MARCHF1: variants seen among roughly 807,000 people sequenced by gnomAD.
MARCHF1 encodes membrane associated ring-CH-type finger 1.
Under a neutral mutation model 54.2 loss-of-function variants are expected in MARCHF1, and 40 were observed. The observed-to-expected ratio is 0.74, with a 90% CI of 0.57 to 0.96. The LOEUF (loss-of-function observed/expected upper bound fraction) is 0.96. Ranked by LOEUF, MARCHF1 falls within the 40% of genes least tolerant of loss-of-function variation. The pLI, the probability that MARCHF1 is intolerant of heterozygous loss-of-function variation, is 0.00. For synonymous variants in MARCHF1, 236 were observed against 236.3 expected, an observed-to-expected ratio of 1.00 and a Z score of 0.01; for missense variants, 586 against 656.5, an observed-to-expected ratio of 0.89 and a Z score of 1.17.
At chr4:164,053,571 T>C (rs1754419436) in intron 2 of MARCHF1, among the ~76,000 whole-genome samples, 1 of 152,184 alleles carries the variant, frequency 6.6e-6, no homozygotes, top group East Asian at 1.9e-4. Context: ...GCTTCTTCCA[T>C]TAACCTGAAT....
intron 3 of MARCHF1, among the ~76,000 whole-genome samples, chr4:163,859,025 GA>G (rs1480548256): frequency 6.6e-6 from 1 of 152,158 alleles, no homozygotes; most frequent in East Asian, 1.9e-4. Context: ...CTAGGATGTG[GA>G]AGAGCAACTG....
At chr4:163,762,912 C>T (rs192929536) in intron 4 of MARCHF1, among the ~76,000 whole-genome samples, 1 of 152,162 alleles carries the variant, frequency 6.6e-6, no homozygotes, top group East Asian at 1.9e-4. Context: ...TCCTACTGCA[C>T]ATAACAAGGC....
chr4:164,176,970 CTCTCTCTCTCTATATA>C (rs1376173597), intron 1 of MARCHF1, among the ~76,000 whole-genome samples: 25 of 57,432 alleles, frequency 4.4e-4, no homozygotes, highest in African/African-American at 1.4e-3. Flanking sequence ...CTCTCTCTCT[CTCTCTCTCTCTATATA>C]TATATATATA....
At chr4:163,862,095 C>T (rs1216215151) in intron 3 of MARCHF1, among the ~76,000 whole-genome samples, 3 of 151,884 alleles carry the variant, frequency 2.0e-5, no homozygotes, top group Admixed American at 6.6e-5. Flanking sequence ...AAGGTAAATG[C>T]AAAACTGTAA....
At chr4:163,871,353 G>C (rs961971635) in intron 3 of MARCHF1, among the ~76,000 whole-genome samples, 1 of 152,062 alleles carries the variant, frequency 6.6e-6, no homozygotes, top group African/African-American at 2.4e-5. Context: ...AGGTGTAATT[G>C]GGGAAACAAC....
intron 3 of MARCHF1, among the ~76,000 whole-genome samples, chr4:163,901,859 A>G (rs1750949334): frequency 6.6e-6 from 1 of 152,152 alleles, no homozygotes; most frequent in Admixed American, 6.5e-5. Flanking sequence ...GCTCTGCCTC[A>G]AGTGTTTGGC....
At chr4:164,130,978 T>A (rs2110816509) in intron 1 of MARCHF1, among the ~76,000 whole-genome samples, 1 of 152,320 alleles carries the variant, frequency 6.6e-6, no homozygotes, top group South Asian at 2.1e-4. Flanking sequence ...CATTTCTTTG[T>A]GATTTTGTAA....
chr4:163,635,383 TA>T (rs1214033022), intron 5 of MARCHF1, among the ~76,000 whole-genome samples: 20 of 151,490 alleles, frequency 1.3e-4, no homozygotes, highest in African/African-American at 4.6e-4. Context: ...AAGAATCAAA[TA>T]GATGCAATAA....
chr4:163,834,732 G>T (rs1749131223), intron 4 of MARCHF1, among the ~76,000 whole-genome samples: 1 of 151,562 alleles, frequency 6.6e-6, no homozygotes, highest in Admixed American at 6.6e-5. Flanking sequence ...TCACTCATAG[G>T]TGGGAATTGA....
At chr4:164,252,043 A>C (rs564665689) in intron 1 of MARCHF1, among the ~76,000 whole-genome samples, 1 of 152,286 alleles carries the variant, frequency 6.6e-6, no homozygotes, top group African/African-American at 2.4e-5. Flanking sequence ...AATATTACTA[A>C]ACTAAAATGC....
intron 5 of MARCHF1, among the ~76,000 whole-genome samples, chr4:163,690,975 ACTGGG>A (rs1464467907): frequency 6.6e-6 from 1 of 152,242 alleles, no homozygotes; most frequent in African/African-American, 2.4e-5. Flanking sequence ...CAAGGCGACC[ACTGGG>A]AGTGATGATA....
At chr4:164,178,981 G>A (rs1251673377) in intron 1 of MARCHF1, among the ~76,000 whole-genome samples, 1 of 152,084 alleles carries the variant, frequency 6.6e-6, no homozygotes, top group Non-Finnish European at 1.5e-5. Context: ...ACTACCTGGA[G>A]AAAAAGTTCA....
At chr4:163,818,955 G>A (rs892438690) in intron 4 of MARCHF1, among the ~76,000 whole-genome samples, 2 of 152,044 alleles carry the variant, frequency 1.3e-5, no homozygotes, top group Admixed American at 1.3e-4. Flanking sequence ...TGAAGATTCT[G>A]GCACCAGGCT....
chr4:164,067,326 T>TA lies in MARCHF1; in HGVS notation c.-248+44261dup, dbSNP rs1321176858. Among the ~76,000 whole-genome samples the TA allele has an allele frequency of 2.6e-5, 4 of 152,256 alleles. No individual in the cohort carries two copies. In the East Asian group the frequency reaches 5.8e-4, roughly 22 times the overall value. On this transcript the variant is annotated intron_variant, in intron 2 of 9. Transcript: ENST00000514618. ...CTGGAAGCATCACACTACCTGACTT[T>TA]AAACTATACTATAAGGCTAGAGTAA... is the stretch of plus-strand genomic sequence containing the variant.
At chr4:164,169,785 G>A (rs1730475197) in intron 1 of MARCHF1, among the ~76,000 whole-genome samples, 1 of 152,010 alleles carries the variant, frequency 6.6e-6, no homozygotes, top group Non-Finnish European at 1.5e-5. Flanking sequence ...GCTGAACCAT[G>A]AGTAACTTGA....
intron 2 of MARCHF1, among the ~76,000 whole-genome samples, chr4:164,106,888 G>C (rs1475106425): frequency 6.6e-6 from 1 of 152,020 alleles, no homozygotes; most frequent in South Asian, 2.1e-4. Flanking sequence ...TTTGGTTCCT[G>C]GAGTAATTGC....
chr4:164,342,882 C>G (rs1480608883), intron 1 of MARCHF1, among the ~76,000 whole-genome samples: 4 of 151,854 alleles, frequency 2.6e-5, no homozygotes, highest in African/African-American at 7.3e-5. Flanking sequence ...GTGAAATAAG[C>G]CAGGAACAGA....
intron 3 of MARCHF1, among the ~76,000 whole-genome samples, chr4:163,861,546 A>T (rs1257983211): frequency 6.6e-6 from 1 of 152,110 alleles, no homozygotes; most frequent in Admixed American, 6.5e-5. Flanking sequence ...GATTTATATA[A>T]AAAACTGTAA....
At chr4:163,634,146 C>A (rs1215513610) in intron 5 of MARCHF1, among the ~76,000 whole-genome samples, 1 of 152,060 alleles carries the variant, frequency 6.6e-6, no homozygotes, top group African/African-American at 2.4e-5. Flanking sequence ...AAAATCATGC[C>A]AAAATGTAAA....
Sources: allele counts gnomAD v4.1 joint callset (sites outside exome capture counted in the v4.1 genomes callset), GRCh38; gene constraint gnomAD v4.1.1; transcripts MANE v1.5; gene names NCBI Gene and HGNC (gene_info 2026-07-23, HGNC 2026-07-21).